The following TEX36 variants were observed in gnomAD, a reference collection of about 807,000 sequenced individuals.
TEX36 encodes the protein testis-expressed protein 36.
TEX36 carries 12 observed loss-of-function variants against 13.6 expected under a neutral mutation model. That is an observed-to-expected ratio of 0.88 (90% CI 0.56 to 1.43). The LOEUF is 1.43. Ranked by LOEUF, TEX36 falls within the 40% of genes most tolerant of loss-of-function variation. TEX36 has a pLI of 0.00. For missense variants in TEX36, 224 were observed against 228.3 expected, an observed-to-expected ratio of 0.98 and a Z score of 0.12; for synonymous variants, 93 against 83.0, an observed-to-expected ratio of 1.12 and a Z score of -0.65.
chr10:125,636,180 AT>A (rs1200230704), intron 3 of TEX36, among the ~76,000 whole-genome samples: 1 of 148,440 alleles, frequency 6.7e-6, no homozygotes, highest in East Asian at 2.0e-4. Context: ...CGGCCTTCAA[AT>A]GTTTACAACT....
At chr10:125,636,191 T>C (rs369613648) in intron 3 of TEX36, among the ~76,000 whole-genome samples, 1 of 148,658 alleles carries the variant, frequency 6.7e-6, no homozygotes, top group African/African-American at 2.5e-5. Context: ...TGTTTACAAC[T>C]GTGTTTGCTG....
intron 3 of TEX36, among the ~76,000 whole-genome samples, chr10:125,600,450 GCTGGAATC>G (rs935008034): frequency 6.6e-6 from 1 of 152,094 alleles, no homozygotes; most frequent in Non-Finnish European, 1.5e-5. Flanking sequence ...GATCCCTGCT[GCTGGAATC>G]CTGGACTCCT....
At chr10:125,616,332 G>T (rs1846358234) in intron 3 of TEX36, among the ~76,000 whole-genome samples, 1 of 148,794 alleles carries the variant, frequency 6.7e-6, no homozygotes, top group African/African-American at 2.5e-5. Flanking sequence ...GCTAGCTTTT[G>T]AATGTGTTTG....
At chr10:125,672,467 T>C (rs1409211594) in intron 1 of TEX36, among the ~76,000 whole-genome samples, 1 of 152,274 alleles carries the variant, frequency 6.6e-6, no homozygotes, top group Non-Finnish European at 1.5e-5. Context: ...TCTTGAGTTA[T>C]AATTTGACTG....
At chr10:125,649,012 G>A (rs1400081688) in intron 3 of TEX36, among the ~76,000 whole-genome samples, 1 of 152,192 alleles carries the variant, frequency 6.6e-6, no homozygotes, top group African/African-American at 2.4e-5. Flanking sequence ...TATGTGAAAA[G>A]AACAAATCTA....
intron 1 of TEX36, among the ~76,000 whole-genome samples, chr10:125,680,905 A>G (rs559947174): frequency 6.6e-6 from 1 of 152,182 alleles, no homozygotes; most frequent in East Asian, 1.9e-4. Flanking sequence ...TGAAATGTTG[A>G]TTCTCGCTTT....
Position 125,667,285 on chromosome 10 carries a change from G to A in TEX36, c.52-5308C>T, listed in dbSNP as rs534811319. 34 of 630,274 alleles carry A rather than the reference G, an allele frequency of 5.4e-5. No homozygotes were observed. In the African/African-American group the frequency reaches 6.0e-4, roughly 11 times the overall value. The allele number at this position is 630,274 out of a possible 1,614,324, so 39.0% of individuals were successfully genotyped here. A position where few individuals can be genotyped will look rare whatever the true frequency, so the allele number is the denominator to read the frequency against. On this transcript the variant is annotated intron_variant, in intron 1 of 3. Transcript: ENST00000368821. ...GTTCAGCAAGATGCCCTCCAAGATAGATGTGTTGATCACTCAGAGCCTTGT... is the reference window on the plus strand; with the variant it reads ...GTTCAGCAAGATGCCCTCCAAGATAAATGTGTTGATCACTCAGAGCCTTGT...
rs1404528261 is a variant in TEX36 at position 125,682,415 on chromosome 10, C to T, written c.51+524G>A. On this transcript the variant is annotated intron_variant, in intron 1 of 3. Coordinates refer to ENST00000368821, the MANE Select transcript of TEX36 (RefSeq NM_001128202.3). ...CCTGGACTCTTCTCATTTCATAGGCCGGAGGGGCTAAAGGAATTGGATTGG... is the reference window on the plus strand; with the variant it reads ...CCTGGACTCTTCTCATTTCATAGGCTGGAGGGGCTAAAGGAATTGGATTGG... 7.2e-5 allele frequency among the ~76,000 whole-genome samples: 11 copies of T among 152,216 alleles called. 1 individual carries two copies. In the South Asian group the frequency reaches 1.7e-3, roughly 23 times the overall value.
chr10:125,624,079 G>C (rs1046832802), intron 3 of TEX36, among the ~76,000 whole-genome samples: 10 of 152,172 alleles, frequency 6.6e-5, no homozygotes, highest in Non-Finnish European at 1.2e-4. Flanking sequence ...GTAACTTTTT[G>C]ATTCTAAGCT....
chr10:125,667,245 G>A, intron 1 of TEX36: 1 of 629,076 alleles, frequency 1.6e-6, no homozygotes. Flanking sequence ...GATGGCCTGG[G>A]GTGACCATGC....
chr10:125,613,791 T>C (rs993872933), intron 3 of TEX36, among the ~76,000 whole-genome samples: 2 of 152,164 alleles, frequency 1.3e-5, no homozygotes, highest in South Asian at 2.1e-4. Context: ...TTTGGGTATA[T>C]ACCCAGTAAT....
chr10:125,675,634 G>T (rs377362321), intron 1 of TEX36, among the ~76,000 whole-genome samples: 2 of 152,100 alleles, frequency 1.3e-5, no homozygotes, highest in African/African-American at 4.8e-5. Flanking sequence ...CTTGGCTGGG[G>T]GTGGGAACTC....
chr10:125,681,400 G>A (rs1457154118), intron 1 of TEX36, among the ~76,000 whole-genome samples: 1 of 152,230 alleles, frequency 6.6e-6, no homozygotes, highest in East Asian at 1.9e-4. Flanking sequence ...ATAGGTAATA[G>A]CTAGAGGGAA....
chr10:125,676,057 T>A (rs1847305714), intron 1 of TEX36, among the ~76,000 whole-genome samples: 1 of 152,232 alleles, frequency 6.6e-6, no homozygotes, highest in Non-Finnish European at 1.5e-5. Context: ...TGGAGAATGT[T>A]CCATAGGCTG....
chr10:125,649,988 T>C (rs1005139455), intron 3 of TEX36, among the ~76,000 whole-genome samples: 8 of 152,170 alleles, frequency 5.3e-5, no homozygotes, highest in Non-Finnish European at 8.8e-5. Flanking sequence ...AGCACCCAGA[T>C]TCACAAAGCA....
chr10:125,656,021 T>A lies in TEX36; in HGVS notation c.440A>T (p.Tyr147Phe). The A allele has an allele frequency of 6.4e-7, 1 of 1,551,978 alleles. No individual in the cohort carries two copies. Among genetic ancestry groups the A allele is most frequent in the Non-Finnish European group, 8.7e-7 (1 of 1,147,030 alleles). The change falls in exon 4 of 4, where the codon TAT becomes TTT. Residue 147 changes from tyrosine (Y) to phenylalanine (F), a missense_variant. Physicochemically the swap from Tyr to Phe is conservative, Grantham distance 22 (BLOSUM62 3). Coordinates refer to ENST00000368821, the MANE Select transcript of TEX36 (RefSeq NM_001128202.3). ...VSSFRRFPRC[Y>F]KEIWNAFTFL... ...TGTAAAAGCGTTCCATATCTCTTTA[T>A]AGCATCGTGGAAAGCGTCTGAAGCT...
At chr10:125,674,643 A>G (rs1349531754) in intron 1 of TEX36, among the ~76,000 whole-genome samples, 3 of 152,096 alleles carry the variant, frequency 2.0e-5, no homozygotes, top group Non-Finnish European at 4.4e-5. Flanking sequence ...TTTTTGTTGC[A>G]TTCTGTTTGT....
intron 3 of TEX36, among the ~76,000 whole-genome samples, chr10:125,586,798 A>G (rs1040880995): frequency 4.0e-5 from 6 of 151,590 alleles, no homozygotes; most frequent in African/African-American, 9.7e-5. Context: ...CTAAAAAAAA[A>G]GAAGAAAAAA....
intron 1 of TEX36, among the ~76,000 whole-genome samples, chr10:125,669,246 G>T (rs1023803542): frequency 1.3e-5 from 2 of 150,516 alleles, no homozygotes; most frequent in African/African-American, 2.4e-5. Flanking sequence ...AGCAGAGATC[G>T]CACCACTGCC....
Sources: gnomAD v4.1 joint callset for allele counts (sites outside exome capture counted in the v4.1 genomes callset) on GRCh38, gnomAD v4.1.1 for gene constraint, MANE v1.5 for transcripts, NCBI Gene and HGNC (gene_info 2026-07-23, HGNC 2026-07-21) for gene names.